FBXL7: variants seen among roughly 807,000 people sequenced by gnomAD.
The protein encoded by FBXL7 is F-box/LRR-repeat protein 7.
FBXL7 carries 12 observed loss-of-function variants against 38.3 expected under a neutral mutation model. The observed-to-expected ratio is 0.31, with a 90% CI of 0.20 to 0.51. FBXL7 has a LOEUF of 0.51. Among genes scored for constraint, FBXL7 ranks in the 20% least tolerant of loss-of-function variants. The pLI is 0.98. For synonymous variants in FBXL7, 297 were observed against 300.9 expected (o/e 0.99, Z 0.13); for missense variants, 567 against 676.4 (o/e 0.84, Z 1.79).
At chr5:15,651,354 C>T (rs1450966356) in intron 2 of FBXL7, among the ~76,000 whole-genome samples, 1 of 152,070 alleles carries the variant, frequency 6.6e-6, no homozygotes, top group African/African-American at 2.4e-5. Context: ...CCTCGGCCTC[C>T]AAAGTGCTGG....
intron 2 of FBXL7, among the ~76,000 whole-genome samples, chr5:15,725,537 T>A (rs1212023429): frequency 6.6e-6 from 1 of 152,194 alleles, no homozygotes; most frequent in African/African-American, 2.4e-5. Context: ...TTAAATCTAA[T>A]GAGATTTAGT....
chr5:15,556,049 TTATC>T (rs1580368823), intron 1 of FBXL7, among the ~76,000 whole-genome samples: 2 of 151,342 alleles, frequency 1.3e-5, no homozygotes, highest in African/African-American at 4.9e-5. Context: ...TTATCATCTA[TTATC>T]TATCATTATC....
intron 2 of FBXL7, among the ~76,000 whole-genome samples, chr5:15,799,833 T>C (rs370132523): frequency 6.6e-6 from 1 of 152,198 alleles, no homozygotes; most frequent in African/African-American, 2.4e-5. Context: ...GTTTCATTGG[T>C]AGGTCATGAG....
At chr5:15,781,868 A>C (rs1177466916) in intron 2 of FBXL7, among the ~76,000 whole-genome samples, 1 of 152,144 alleles carries the variant, frequency 6.6e-6, no homozygotes, top group Non-Finnish European at 1.5e-5. Context: ...TCTGGGATAC[A>C]TGTGCAGAAC....
intron 1 of FBXL7, among the ~76,000 whole-genome samples, chr5:15,510,093 A>T (rs2126354598): frequency 6.6e-6 from 1 of 152,346 alleles, no homozygotes; most frequent in African/African-American, 2.4e-5. Context: ...TCATTCTATC[A>T]GTTCCTCTTT....
At chr5:15,710,522 T>C (rs1743830219) in intron 2 of FBXL7, among the ~76,000 whole-genome samples, 1 of 152,194 alleles carries the variant, frequency 6.6e-6, no homozygotes, top group Non-Finnish European at 1.5e-5. Flanking sequence ...TCTTGCTTAC[T>C]TTAATTTTTT....
At chr5:15,889,625 A>G (rs909457036) in intron 2 of FBXL7, among the ~76,000 whole-genome samples, 2 of 152,130 alleles carry the variant, frequency 1.3e-5, no homozygotes, top group Non-Finnish European at 2.9e-5. Flanking sequence ...AAAACCTCCA[A>G]TGCTTGTGAT....
chr5:15,730,651 A>G (rs1735557410), intron 2 of FBXL7, among the ~76,000 whole-genome samples: 1 of 152,240 alleles, frequency 6.6e-6, no homozygotes, highest in Admixed American at 6.5e-5. Flanking sequence ...AGATATAATC[A>G]TATCATTGTA....
chr5:15,613,617 A>T (rs1740333163), intron 1 of FBXL7, among the ~76,000 whole-genome samples: 1 of 152,124 alleles, frequency 6.6e-6, no homozygotes, highest in Non-Finnish European at 1.5e-5. Context: ...CCCATGGGTA[A>T]TATCACCTGA....
chr5:15,661,586 T>C (rs1037603925), intron 2 of FBXL7, among the ~76,000 whole-genome samples: 2 of 152,206 alleles, frequency 1.3e-5, no homozygotes, highest in Non-Finnish European at 2.9e-5. Context: ...AAGTTACATG[T>C]GAAGGTTTGT....
chr5:15,602,887 G>A (rs1045912916), intron 1 of FBXL7, among the ~76,000 whole-genome samples: 6 of 152,178 alleles, frequency 3.9e-5, no homozygotes, highest in Non-Finnish European at 7.3e-5. Flanking sequence ...AGGCTGGAGT[G>A]CAGTGGCACC....
intron 2 of FBXL7, among the ~76,000 whole-genome samples, chr5:15,782,716 C>A (rs993419278): frequency 1.3e-5 from 2 of 151,956 alleles, no homozygotes; most frequent in African/African-American, 4.8e-5. Flanking sequence ...TAAGGAGCAA[C>A]CTTTTTGAGA....
intron 2 of FBXL7, among the ~76,000 whole-genome samples, chr5:15,740,272 G>T (rs923820062): frequency 6.6e-6 from 1 of 152,114 alleles, no homozygotes; most frequent in African/African-American, 2.4e-5. Context: ...TTTCTGAGAT[G>T]GCAAGGAATT....
At chr5:15,714,721 C>T (rs376389863) in intron 2 of FBXL7, among the ~76,000 whole-genome samples, 19 of 151,848 alleles carry the variant, frequency 1.3e-4, no homozygotes, top group East Asian at 3.9e-4. Flanking sequence ...TGGTGGCGGG[C>T]GCCTGTAGTC....
intron 2 of FBXL7, among the ~76,000 whole-genome samples, chr5:15,739,910 A>G (rs922304683): frequency 6.6e-6 from 1 of 152,152 alleles, no homozygotes; most frequent in Admixed American, 6.5e-5. Flanking sequence ...GAATATACCT[A>G]GGAGTGCTGG....
chr5:15,652,550 G>A (rs886811099), intron 2 of FBXL7, among the ~76,000 whole-genome samples: 2 of 152,220 alleles, frequency 1.3e-5, no homozygotes, highest in Non-Finnish European at 2.9e-5. Context: ...ACAGGCGTGA[G>A]CCATAAGCCT....
chr5:15,753,893 C>A (rs933610709), intron 2 of FBXL7, among the ~76,000 whole-genome samples: 3 of 152,192 alleles, frequency 2.0e-5, no homozygotes, highest in African/African-American at 7.2e-5. Context: ...AAGTCCTGGA[C>A]TGGTCATCAG....
chr5:15,816,251 G>GTA (rs78105043), intron 2 of FBXL7, among the ~76,000 whole-genome samples: 14 of 150,940 alleles, frequency 9.3e-5, no homozygotes, highest in South Asian at 8.4e-4. Flanking sequence ...AATCTGGTAT[G>GTA]TATATATATA....
chr5:15,723,696 T>A (rs1019208344), intron 2 of FBXL7, among the ~76,000 whole-genome samples: 1 of 152,252 alleles, frequency 6.6e-6, no homozygotes, highest in African/African-American at 2.4e-5. Flanking sequence ...TTGTTATTAA[T>A]ATAATTTGCT....
Sources: allele counts gnomAD v4.1 joint callset (sites outside exome capture counted in the v4.1 genomes callset), GRCh38; gene constraint gnomAD v4.1.1; transcripts MANE v1.5; gene names NCBI Gene and HGNC (gene_info 2026-07-23, HGNC 2026-07-21).